RGS6: variants seen among roughly 807,000 people sequenced by gnomAD.
RGS6 encodes the protein regulator of G-protein signaling 6.
Under a neutral mutation model 78.5 loss-of-function variants are expected in RGS6, and 30 were observed. That is an observed-to-expected ratio of 0.38 (90% confidence interval 0.29 to 0.52). RGS6 has a LOEUF of 0.52. Among genes scored for constraint, RGS6 ranks in the 20% least tolerant of loss-of-function variants. The pLI is 0.85. For missense variants in RGS6, 495 were observed against 609.7 expected (o/e 0.81, Z 1.98); for synonymous variants, 206 against 206.0 (o/e 1.00, Z 0.00).
chr14:72,215,973 C>G (rs2045465596), intron 2 of RGS6, among the ~76,000 whole-genome samples: 1 of 152,124 alleles, frequency 6.6e-6, no homozygotes, highest in Non-Finnish European at 1.5e-5. Flanking sequence ...TCTATACTCC[C>G]TCACCTTCCT....
chr14:72,236,481 G>A (rs1309317507), intron 2 of RGS6, among the ~76,000 whole-genome samples: 1 of 152,152 alleles, frequency 6.6e-6, no homozygotes, highest in Admixed American at 6.5e-5. Flanking sequence ...GCATACACCT[G>A]TGTAATGCCA....
At chr14:72,093,276 CTG>C (rs1440718893) in intron 2 of RGS6, among the ~76,000 whole-genome samples, 1 of 152,154 alleles carries the variant, frequency 6.6e-6, no homozygotes. Flanking sequence ...GGATCTCACT[CTG>C]TCACCCAGGC....
chr14:72,080,742 C>A (rs2094786773), intron 2 of RGS6, among the ~76,000 whole-genome samples: 1 of 152,036 alleles, frequency 6.6e-6, no homozygotes, highest in East Asian at 1.9e-4. Flanking sequence ...ATGTGGATAT[C>A]CAGTTTTCCC....
At chr14:72,422,716 A>G (rs2094249875) in intron 3 of RGS6, among the ~76,000 whole-genome samples, 1 of 152,322 alleles carries the variant, frequency 6.6e-6, no homozygotes, top group Non-Finnish European at 1.5e-5. Context: ...GGCCAAGCAC[A>G]GTGGTGACAG....
chr14:71,945,930 TTAAA>T (rs1005766100), intron 1 of RGS6, among the ~76,000 whole-genome samples: 1 of 152,162 alleles, frequency 6.6e-6, no homozygotes, highest in African/African-American at 2.4e-5. Context: ...AAAAAAAAGA[TTAAA>T]TAACATATGC....
At chr14:72,493,118 G>A (rs7159382) in intron 12 of RGS6, among the ~76,000 whole-genome samples, 21,213 of 152,072 alleles carry the variant, frequency 0.14, 1,555 homozygotes, top group Admixed American at 0.19. Flanking sequence ...CCACTGAGCC[G>A]CCAAGCAGGT....
chr14:72,305,652 G>T (rs1027829171), intron 2 of RGS6, among the ~76,000 whole-genome samples: 1 of 152,136 alleles, frequency 6.6e-6, no homozygotes, highest in East Asian at 1.9e-4. Context: ...TATGTGTACT[G>T]ACTGTTCCAC....
chr14:72,015,642 C>T (rs536359975), intron 2 of RGS6, among the ~76,000 whole-genome samples: 3 of 152,164 alleles, frequency 2.0e-5, no homozygotes, highest in Non-Finnish European at 4.4e-5. Context: ...GGTTCTAGAA[C>T]GTGCACATTT....
intron 2 of RGS6, among the ~76,000 whole-genome samples, chr14:72,209,041 C>T (rs2043380792): frequency 6.6e-6 from 1 of 152,096 alleles, no homozygotes; most frequent in South Asian, 2.1e-4. Flanking sequence ...TGCTTGAGCT[C>T]AGGAGTTCAA....
At chr14:72,170,906 A>G (rs2097004272) in intron 2 of RGS6, among the ~76,000 whole-genome samples, 2 of 152,250 alleles carry the variant, frequency 1.3e-5, no homozygotes, top group South Asian at 2.1e-4. Context: ...GTGCATTTGT[A>G]TGTCTCAGGG....
intron 2 of RGS6, among the ~76,000 whole-genome samples, chr14:72,090,771 C>T (rs887938248): frequency 1.3e-5 from 2 of 152,104 alleles, no homozygotes; most frequent in African/African-American, 4.8e-5. Flanking sequence ...GAGTGCCCAG[C>T]CAGGGAGTGT....
At chr14:72,102,720 C>T (rs1470647778) in intron 2 of RGS6, among the ~76,000 whole-genome samples, 1 of 152,090 alleles carries the variant, frequency 6.6e-6, no homozygotes, top group Non-Finnish European at 1.5e-5. Context: ...AAAATGAAGA[C>T]AGTGTAGAAG....
At chr14:72,165,807 A>G (rs972768007) in intron 2 of RGS6, among the ~76,000 whole-genome samples, 3 of 151,886 alleles carry the variant, frequency 2.0e-5, no homozygotes, top group Admixed American at 6.6e-5. Context: ...GAACTCTGTA[A>G]TCCAAAATGG....
chr14:72,283,021 T>C (rs1277671710), intron 2 of RGS6, among the ~76,000 whole-genome samples: 1 of 152,214 alleles, frequency 6.6e-6, no homozygotes, highest in Non-Finnish European at 1.5e-5. Flanking sequence ...AGTGTGACCA[T>C]GTAGTATTTG....
the RGS6 span, among the ~76,000 whole-genome samples, chr14:71,879,392 A>G: frequency 3.7e-3 from 568 of 152,324 alleles, 5 homozygotes; most frequent in Non-Finnish European, 6.5e-3. Context: ...CTGAACAACT[A>G]TAATATGAGC....
the RGS6 span, among the ~76,000 whole-genome samples, chr14:71,875,099 A>G: frequency 6.6e-6 from 1 of 152,058 alleles, no homozygotes; most frequent in African/African-American, 2.4e-5. Flanking sequence ...TTGGTCTAAA[A>G]TTCTCTTTTT....
At chr14:72,283,967 G>C (rs1207793419) in intron 2 of RGS6, among the ~76,000 whole-genome samples, 1 of 152,200 alleles carries the variant, frequency 6.6e-6, no homozygotes, top group Non-Finnish European at 1.5e-5. Flanking sequence ...AGGAACTGGA[G>C]TAAAAGTGAC....
chr14:72,411,280 A>C (rs199768972), intron 3 of RGS6, among the ~76,000 whole-genome samples: 14 of 152,136 alleles, frequency 9.2e-5, no homozygotes, highest in East Asian at 3.9e-4. Context: ...TGAAGAGGTC[A>C]TTCATATCCC....
At chr14:72,412,072 C>G (rs1566775399) in intron 3 of RGS6, among the ~76,000 whole-genome samples, 1 of 152,178 alleles carries the variant, frequency 6.6e-6, no homozygotes, top group Non-Finnish European at 1.5e-5. Flanking sequence ...CAGGATGACG[C>G]TGGCCTCATA....
Sources: allele counts gnomAD v4.1 joint callset (sites outside exome capture counted in the v4.1 genomes callset), GRCh38; gene constraint gnomAD v4.1.1; transcripts MANE v1.5; gene names NCBI Gene and HGNC (gene_info 2026-07-23, HGNC 2026-07-21).